The following DYRK1B variants were observed in gnomAD, a reference collection of about 807,000 sequenced individuals.
DYRK1B encodes dual specificity tyrosine-phosphorylation-regulated kinase 1B.
In DYRK1B, 20 loss-of-function variants were observed where a neutral mutation model predicts 57.1. That is an observed-to-expected ratio of 0.35 (90% CI 0.25 to 0.51). The LOEUF is 0.51. Among genes scored for constraint, DYRK1B ranks in the 20% least tolerant of loss-of-function variants. DYRK1B has a pLI of 0.96. For missense variants in DYRK1B, 732 were observed against 886.3 expected (o/e 0.83, Z 2.21); for synonymous variants, 409 against 384.7 (o/e 1.06, Z -0.74).
Position 39,826,919 on chromosome 19 carries a change from G to GC in DYRK1B, c.1163dup (p.Arg389ProfsTer27). ...TGTGGCCCGGCTCCCCCGCCCGCCG[G>GC]CCCCCGGGCCCGCCCGTCTGCACGC... On this transcript the variant is annotated frameshift_variant, in exon 9 of 11. Transcript: ENST00000323039. LOFTEE classifies it high-confidence loss of function. This position sits in a 1 kb window ranked among gnomAD's most constrained non-coding sequence, Gnocchi z 6.3. 2 of 1,213,404 alleles carry GC rather than the reference G, an allele frequency of 1.6e-6. No individual in the cohort carries two copies. Among genetic ancestry groups the GC allele is most frequent in the Admixed American group, 4.5e-5 (1 of 22,382 alleles). The allele number at this position is 1,213,404 out of a possible 1,614,324, so 75.2% of individuals were successfully genotyped here. A position where few individuals can be genotyped will look rare whatever the true frequency, so the allele number is the denominator to read the frequency against.
At position 39,826,305 on chromosome 19, in the gene DYRK1B, A is replaced by G; in HGVS notation, c.1412-19T>C. On this transcript the variant is annotated intron_variant, in intron 9 of 10. Coordinates refer to ENST00000323039, the MANE Select transcript of DYRK1B (RefSeq NM_004714.3). The surrounding 1 kb of genome is among the most constrained non-coding windows in gnomAD (Gnocchi z 6.3). ...GAGCCTCCTGGAAGTGCCAGGGAGG[A>G]GAGGTGAAGGGGCATAAGGTGAGAG... 1 of 1,551,184 alleles carries G rather than the reference A, an allele frequency of 6.4e-7. No individual in the cohort carries two copies.
rs551520484 is a variant in DYRK1B at position 39,828,192 on chromosome 19, G to A, written c.807+105C>T. 6.3e-6 allele frequency: 8 copies of A among 1,276,388 alleles called. No individual in the cohort carries two copies. The highest frequency in any genetic ancestry group is 4.8e-5 in the East Asian group (2 of 41,404). The allele number at this position is 1,276,388 out of a possible 1,614,324, so 79.1% of individuals were successfully genotyped here. ...CCAAGCATTATCCCTCAGTTCCCAC[G>A]GCTCCTAATAATCCCATCCCAGCCA... On this transcript the variant is annotated intron_variant, in intron 6 of 10. Transcript: ENST00000323039. The surrounding 1 kb of genome is among the most constrained non-coding windows in gnomAD (Gnocchi z 4.3).
In DYRK1B at chr19:39,827,422, C is replaced by T. The variant is rs1258558466; in HGVS notation, c.958G>A (p.Asp320Asn). ...EPLFSGSNEV[D>N]QMNRIVEVLG... is the part of the protein sequence containing the mutation. The stretch of plus-strand genomic sequence containing the variant: ...ACCTCCACAATGCGGTTCATCTGGT[C>T]GACCTGTGAGCAGGCAGGGGTCAAG... Residue 320 changes from aspartate (D) to asparagine (N), a missense_variant, in exon 8 of 11, where the codon GAC becomes AAC. Around this residue, in one of 2 missense-constraint regions of DYRK1B, gnomAD observed 510 missense variants for 681.3 expected, o/e 0.75. Coordinates refer to ENST00000323039, the MANE Select transcript of DYRK1B (RefSeq NM_004714.3). 6 of 1,611,798 alleles carry T rather than the reference C, an allele frequency of 3.7e-6. No homozygotes were observed. The highest frequency in any genetic ancestry group is 5.1e-6 in the Non-Finnish European group (6 of 1,178,304).
Position 39,826,775 on chromosome 19 carries a change from G to A in DYRK1B, c.1308C>T (p.Asp436=), listed in dbSNP as rs767095190. The change falls in exon 9 of 11, where the codon GAC becomes GAT. Residue 436 remains aspartate (D), a synonymous_variant. Transcript: ENST00000323039. This position sits in a 1 kb window ranked among gnomAD's most constrained non-coding sequence, Gnocchi z 6.3. The stretch of plus-strand genomic sequence containing the variant: ...CTGCCGGGCCCGTGTTGGTGGCCTC[G>A]TCGGCCGTGCGGCGGAAGAAGCCGT... The part of the protein sequence containing the change: ...LQHGFFRRTA[D]EATNTGPAGS... 9.6e-6 allele frequency: 15 copies of A among 1,569,994 alleles called. No homozygotes were observed. Among genetic ancestry groups the A allele is most frequent in the Admixed American group, 1.9e-5 (1 of 53,532 alleles).
In DYRK1B at chr19:39,830,511, G is replaced by C. The variant is rs770939435; in HGVS notation, c.236C>G (p.Ser79Trp). ...GACCTTCTTCTCCTTCTTGTTGCTC[G>C]AATCCTGGGGTGGCGCCTGCTGGGC... The part of the protein sequence containing the change: ...RRAQQAPPQD[S>W]SNKKEKKVLN... Residue 79 changes from serine to tryptophan, a missense_variant, in exon 4 of 11, where the codon TCG becomes TGG. By Grantham distance (177) the Ser-to-Trp change is radical. Around this residue, in one of 2 missense-constraint regions of DYRK1B, gnomAD observed 510 missense variants for 681.3 expected, o/e 0.75. Transcript: ENST00000323039. 5.6e-6 allele frequency: 9 copies of C among 1,614,032 alleles called. No individual in the cohort carries two copies. The highest frequency in any genetic ancestry group is 6.8e-6 in the Non-Finnish European group (8 of 1,180,054).
In DYRK1B at chr19:39,831,895, G is replaced by T; in HGVS notation, c.-28C>A. On this transcript the variant is annotated 5_prime_UTR_variant, in exon 2 of 11. Coordinates refer to ENST00000323039, the MANE Select transcript of DYRK1B (RefSeq NM_004714.3). ...TGGGCTCAGAGGGCCGCAGGGGAGC[G>T]AGGCCTGGAGCGGGAGCCCGGCCGG... 1 of 1,455,234 alleles carries T rather than the reference G, an allele frequency of 6.9e-7. No individual in the cohort carries two copies. Among genetic ancestry groups the T allele is most frequent in the Admixed American group, 2.8e-5 (1 of 35,364 alleles). The allele number at this position is 1,455,234 out of a possible 1,614,324, so 90.1% of individuals were successfully genotyped here. A position where few individuals can be genotyped will look rare whatever the true frequency, so the allele number is the denominator to read the frequency against.
intron 1 of DYRK1B, 84 bp from the exon 2 acceptor site, chr19:39,832,052 AAGAC>A (rs1470334338): frequency 5.2e-6 from 7 of 1,336,734 alleles, no homozygotes; most frequent in East Asian, 5.9e-5. Flanking sequence ...GGACATGAGA[AAGAC>A]AGGGCACAGA....
At position 39,826,785 on chromosome 19, in the gene DYRK1B, C is replaced by T. The variant is rs757189339; in HGVS notation, c.1298G>A (p.Arg433His). Reference sequence around the variant, plus strand: ...CGTGTTGGTGGCCTCGTCGGCCGTGCGGCGGAAGAAGCCGTGCTGCAGAGC... The same window carrying T: ...CGTGTTGGTGGCCTCGTCGGCCGTGTGGCGGAAGAAGCCGTGCTGCAGAGC... ...LGALQHGFFR[R>H]TADEATNTGP... The change falls in exon 9 of 11, where the codon CGC (arginine) becomes CAC (histidine). Residue 433 changes from arginine (R) to histidine (H), a missense_variant. Around this residue, in one of 2 missense-constraint regions of DYRK1B, gnomAD observed 510 missense variants for 681.3 expected, o/e 0.75. Coordinates refer to ENST00000323039, the MANE Select transcript of DYRK1B (RefSeq NM_004714.3). This position sits in a 1 kb window ranked among gnomAD's most constrained non-coding sequence, Gnocchi z 6.3. The T allele has an allele frequency of 1.7e-5, 27 of 1,554,252 alleles. No homozygotes were observed. Among genetic ancestry groups the T allele is most frequent in the Admixed American group, 3.9e-5 (2 of 51,734 alleles).
Position 39,828,462 on chromosome 19 carries a change from G to T in DYRK1B, c.642C>A (p.Thr214=). ...TGCAGAGCTGCTGCGCCAGCTTCCG[G>T]GTCAGGTTCAGCGAGACGCCGCGGA... is the stretch of plus-strand genomic sequence containing the variant. ...THFRGVSLNL[T]RKLAQQLCTA... is the part of the protein sequence containing the mutation. The change falls in exon 6 of 11, where the codon ACC becomes ACA. Residue 214 remains threonine, a synonymous_variant. Transcript: ENST00000323039. The surrounding 1 kb of genome is among the most constrained non-coding windows in gnomAD (Gnocchi z 4.3). 1 of 1,613,910 alleles carries T rather than the reference G, an allele frequency of 6.2e-7. No individual in the cohort carries two copies. The highest frequency in any genetic ancestry group is 1.3e-5 in the African/African-American group (1 of 75,060).
Position 39,825,642 on chromosome 19 carries a change from T to G in DYRK1B, c.*73A>C. 4.9e-6 allele frequency: 7 copies of G among 1,429,404 alleles called. No individual in the cohort carries two copies. The highest frequency in any genetic ancestry group is 5.7e-6 in the Non-Finnish European group (6 of 1,052,138). The allele number at this position is 1,429,404 out of a possible 1,614,324, so 88.5% of individuals were successfully genotyped here. On this transcript the variant is annotated 3_prime_UTR_variant, in exon 11 of 11. Transcript: ENST00000323039. ...CAGCAATTCCAGTCAAGGAGAGAGA[T>G]GAGGATGGGAGCCCAGGGCCCCCAG...
rs563701615 is a variant in DYRK1B at position 39,828,649 on chromosome 19, G to A, written c.521-66C>T. ...TCAGAGAGGGCAGGTGGTGGCCTGG[G>A]GTCATACAACGCTCTTTGATTACTA... On this transcript the variant is annotated intron_variant, in intron 5 of 10. Coordinates refer to ENST00000323039, the MANE Select transcript of DYRK1B (RefSeq NM_004714.3). The surrounding 1 kb of genome is among the most constrained non-coding windows in gnomAD (Gnocchi z 4.3). 29 of 1,508,274 alleles carry A rather than the reference G, an allele frequency of 1.9e-5. No homozygotes were observed. Among genetic ancestry groups the A allele is most frequent in the Admixed American group, 3.9e-5 (2 of 51,710 alleles). 93.4% of individuals were successfully genotyped at this position (1,508,274 alleles called of 1,614,324 possible).
At position 39,826,737 on chromosome 19, in the gene DYRK1B, G is replaced by A; in HGVS notation, c.1346C>T (p.Ser449Phe). Residue 449 changes from serine to phenylalanine, a missense_variant, in exon 9 of 11, where the codon TCC becomes TTC. Ser to Phe is a radical substitution (Grantham distance 155). Transcript: ENST00000323039. This position sits in a 1 kb window ranked among gnomAD's most constrained non-coding sequence, Gnocchi z 6.3. ...GGTGTCGAGGGGCGCGGGCGAGGTG[G>A]AGGCACTGCTGCCTGCCGGGCCCGT... ...TNTGPAGSSA[S>F]TSPAPLDTCP... The A allele has an allele frequency of 6.3e-7, 1 of 1,598,556 alleles. No individual in the cohort carries two copies. Among genetic ancestry groups the A allele is most frequent in the Non-Finnish European group, 8.5e-7 (1 of 1,174,132 alleles).
chr19:39,830,557 A>G lies in DYRK1B; in HGVS notation c.190T>C (p.Tyr64His), dbSNP rs755764449. 1 of 1,614,098 alleles carries G rather than the reference A, an allele frequency of 6.2e-7. No homozygotes were observed. ...TGGGCCCGCCGCTTCTTCTTCGCATAGTATACCTGCCCAGCCAGCCAGCCA... is the reference window on the plus strand; with the variant it reads ...TGGGCCCGCCGCTTCTTCTTCGCATGGTATACCTGCCCAGCCAGCCAGCCA... Reference protein sequence around the residue: ...KTYKHINEVYYAKKKRRAQQA... With the variant: ...KTYKHINEVYHAKKKRRAQQA... Residue 64 changes from tyrosine to histidine, a missense_variant, in exon 4 of 11, where the codon TAT (tyrosine) becomes CAT (histidine). Tyr to His is a moderately conservative substitution (Grantham distance 83, BLOSUM62 2). This residue lies in a region of DYRK1B where 510 missense variants were observed against 681.3 expected (regional missense o/e 0.75). Transcript: ENST00000323039.
chr19:39,827,708 GAC>G (rs753507766), intron 6 of DYRK1B, 52 bp from the exon 7 acceptor site: 2 of 1,588,198 alleles, frequency 1.3e-6, no homozygotes, highest in Non-Finnish European at 1.7e-6. Context: ...TGGTCCCACT[GAC>G]ACCCCCAAAG....
At position 39,825,992 on chromosome 19, in the gene DYRK1B, G is replaced by A; in HGVS notation, c.1613C>T (p.Thr538Ile). 6.6e-7 allele frequency: 1 copy of A among 1,523,734 alleles called. No homozygotes were observed. Among genetic ancestry groups the A allele is most frequent in the Non-Finnish European group, 8.8e-7 (1 of 1,138,098 alleles). The allele number at this position is 1,523,734 out of a possible 1,614,324, so 94.4% of individuals were successfully genotyped here. Residue 538 changes from threonine to isoleucine, a missense_variant, in exon 11 of 11, where the codon ACC (threonine) becomes ATC (isoleucine). Physicochemically the swap from Thr to Ile is moderately conservative, Grantham distance 89 (BLOSUM62 -1). Around this residue, in one of 2 missense-constraint regions of DYRK1B, gnomAD observed 222 missense variants for 205.0 expected, o/e 1.08. Coordinates refer to ENST00000323039, the MANE Select transcript of DYRK1B (RefSeq NM_004714.3). ...APASASSLPG[T>I]GAQLPPQPRY... The stretch of plus-strand genomic sequence containing the variant: ...GGGCTGGGGGGGTAACTGGGCCCCG[G>A]TCCCAGGCAGTGACGAGGCAGAGGC...
At position 39,825,722 on chromosome 19, in the gene DYRK1B, C is replaced by G; in HGVS notation, c.1883G>C (p.Ser628Thr). The G allele has an allele frequency of 6.4e-7, 1 of 1,551,514 alleles. No individual in the cohort carries two copies. Among genetic ancestry groups the G allele is most frequent in the Non-Finnish European group, 8.7e-7 (1 of 1,148,814 alleles). Residue 628 changes from serine to threonine, a missense_variant, in exon 11 of 11, where the codon AGC becomes ACC. By Grantham distance (58) the Ser-to-Thr change is moderately conservative. Around this residue, in one of 2 missense-constraint regions of DYRK1B, gnomAD observed 222 missense variants for 205.0 expected, o/e 1.08. Transcript: ENST00000323039. ...LRGVPQSTAA[S>T]S The stretch of plus-strand genomic sequence containing the variant: ...CCCAGGGAGGGGGCAGGGTCACGAG[C>G]TGGCTGCTGTGCTCTGGGGTACACC...
chr19:39,825,638 G>T lies in DYRK1B; in HGVS notation c.*77C>A, dbSNP rs1302191937. The T allele has an allele frequency of 1.4e-6, 2 of 1,426,052 alleles. No individual in the cohort carries two copies. The highest frequency in any genetic ancestry group is 9.5e-7 in the Non-Finnish European group (1 of 1,049,504). 88.3% of individuals were successfully genotyped at this position (1,426,052 alleles called of 1,614,324 possible). The stretch of plus-strand genomic sequence containing the variant: ...GTAGCAGCAATTCCAGTCAAGGAGA[G>T]AGATGAGGATGGGAGCCCAGGGCCC... On this transcript the variant is annotated 3_prime_UTR_variant, in exon 11 of 11. Transcript: ENST00000323039.
In DYRK1B at chr19:39,828,595, G is replaced by T. The variant is rs1947473911; in HGVS notation, c.521-12C>A. On this transcript the variant is annotated splice_polypyrimidine_tract_variant and intron_variant, in intron 5 of 10. Coordinates refer to ENST00000323039, the MANE Select transcript of DYRK1B (RefSeq NM_004714.3). The surrounding 1 kb of genome is among the most constrained non-coding windows in gnomAD (Gnocchi z 4.3). ...CCGCTTCAGGTGTACTGCGGGGGAG[G>T]GGAGGAAATGGGCCAGAGAAGAAAC... The T allele has an allele frequency of 6.3e-7, 1 of 1,599,656 alleles. No individual in the cohort carries two copies.
chr19:39,833,360 C>A (rs1329730158), intron 1 of DYRK1B: 1 of 985,370 alleles, frequency 1.0e-6, no homozygotes, highest in African/African-American at 1.7e-5. Flanking sequence ...GCGGTGGCGG[C>A]GCTGAAAAGG....
Sources: allele counts gnomAD v4.1 joint callset, GRCh38; gene constraint gnomAD v4.1.1; regional missense constraint gnomAD v4.1.1; non-coding constraint Gnocchi (gnomAD v3.1); transcripts MANE v1.5; gene names NCBI Gene and HGNC (gene_info 2026-07-23, HGNC 2026-07-21).